The following VCL variants were observed in gnomAD, a reference collection of about 807,000 sequenced individuals.
The protein encoded by VCL is vinculin, also known as epididymis luminal protein 114.
VCL carries 47 observed loss-of-function variants against 125.7 expected under a neutral mutation model. That is an observed-to-expected ratio of 0.37 (90% CI 0.30 to 0.48). The LOEUF (loss-of-function observed/expected upper bound fraction) is 0.48, where lower values mean the gene tolerates loss of function less well. VCL is among the 20% of genes least tolerant of loss of function. VCL has a pLI of 0.99. For missense variants in VCL, 1,069 were observed against 1,455.5 expected (o/e 0.73, Z 4.32); for synonymous variants, 458 against 514.6 (o/e 0.89, Z 1.49).
Position 74,047,306 on chromosome 10 carries a change from A to G in VCL, c.239+4153A>G, listed in dbSNP as rs1386174483. Among the ~76,000 whole-genome samples, 4 of 152,216 alleles carry G rather than the reference A, an allele frequency of 2.6e-5. No individual in the cohort carries two copies. In the East Asian group the frequency reaches 7.7e-4, roughly 29 times the overall value. ...AGTGAGACCCTGTGTAAAACAAAAC[A>G]AAATAAAACAAACCGTGATGGATTT... On this transcript the variant is annotated intron_variant, in intron 2 of 21. Transcript: ENST00000211998.
intron 5 of VCL, 85 bp from the exon 6 acceptor site, chr10:74,074,658 T>C (rs1839552198): frequency 1.3e-6 from 2 of 1,509,228 alleles, no homozygotes; most frequent in Admixed American, 1.9e-5. Flanking sequence ...GCCCAAAACA[T>C]CTAAAGTGTA....
chr10:74,090,300 T>C, intron 10 of VCL, 102 bp downstream of exon 10: 1 of 1,347,022 alleles, frequency 7.4e-7, no homozygotes. Context: ...ACATACATAT[T>C]TCAATTCCCC....
intron 1 of VCL, among the ~76,000 whole-genome samples, chr10:74,037,253 G>A (rs1182168758): frequency 6.6e-6 from 1 of 152,068 alleles, no homozygotes; most frequent in Admixed American, 6.6e-5. Flanking sequence ...GGAAAAGATG[G>A]GTGCTATGGA....
rs768990295 is a variant in VCL, at chr10:74,097,171, T to A, written c.1744-33T>A. ...AGTAGATATGCTTTGAGGATGTATC[T>A]GGACATTTTCATATGTAAACAATGT... On this transcript the variant is annotated intron_variant, in intron 12 of 21. Transcript: ENST00000211998. The surrounding 1 kb of genome is among the most constrained non-coding windows in gnomAD (Gnocchi z 4.1). 6 of 1,610,762 alleles carry A rather than the reference T, an allele frequency of 3.7e-6. No individual in the cohort carries two copies. In the Admixed American group the frequency reaches 8.3e-5, roughly 22 times the overall value.
intron 17 of VCL, among the ~76,000 whole-genome samples, chr10:74,107,883 T>C (rs1407374284): frequency 6.6e-6 from 1 of 152,184 alleles, no homozygotes; most frequent in Non-Finnish European, 1.5e-5. Context: ...ACTGTGAATA[T>C]ATTTTTACAT....
chr10:73,998,190 G>A lies in VCL; in HGVS notation c.-18G>A. The A allele has an allele frequency of 6.2e-7, 1 of 1,609,946 alleles. No homozygotes were observed. The highest frequency in any genetic ancestry group is 8.5e-7 in the Non-Finnish European group (1 of 1,178,292). On this transcript the variant is annotated 5_prime_UTR_variant, in exon 1 of 22. Coordinates refer to ENST00000211998, the MANE Select transcript of VCL (RefSeq NM_014000.3). ...ACTTCTCTGTCGCCCGCGGTTCGCC[G>A]CCCCGCTCGCCGCCGCGATGCCAGT...
At chr10:74,001,710 G>C (rs773819511) in intron 1 of VCL, among the ~76,000 whole-genome samples, 27 of 152,292 alleles carry the variant, frequency 1.8e-4, no homozygotes, top group Non-Finnish European at 3.7e-4. Flanking sequence ...TGCTAGAAAA[G>C]AAACATAGTA....
In VCL at chr10:74,059,703, C is replaced by A. The variant is rs181742260; in HGVS notation, c.240-10967C>A. Among the ~76,000 whole-genome samples, 23 of 152,326 alleles carry A rather than the reference C, an allele frequency of 1.5e-4. No homozygotes were observed. The East Asian group carries it at 4.3e-3, about 28-fold the overall frequency. ...TACAGGTGTGAGCCACCGCGTCCAG[C>A]CTGCTGGACATACTTCTAAAGACTG... On this transcript the variant is annotated intron_variant, in intron 2 of 21. Coordinates refer to ENST00000211998, the MANE Select transcript of VCL (RefSeq NM_014000.3).
intron 16 of VCL, among the ~76,000 whole-genome samples, chr10:74,106,441 C>T (rs780393651): frequency 6.6e-6 from 1 of 152,284 alleles, no homozygotes; most frequent in South Asian, 2.1e-4. Context: ...AGGCCCTACA[C>T]CTAAAGAAAA....
chr10:74,100,934 G>GT lies in VCL; in HGVS notation c.1873-8dup, dbSNP rs1564531356. On this transcript the variant is annotated splice_polypyrimidine_tract_variant and intron_variant, in intron 13 of 21. Coordinates refer to ENST00000211998, the MANE Select transcript of VCL (RefSeq NM_014000.3). The stretch of plus-strand genomic sequence containing the variant: ...ATTGAAATAAATGTTCTTAATATCT[G>GT]TTTTTTCCTCAAGGTATTTGATGAG... 5 of 1,613,668 alleles carry GT rather than the reference G, an allele frequency of 3.1e-6. No homozygotes were observed. Among genetic ancestry groups the GT allele is most frequent in the African/African-American group, 2.7e-5 (2 of 74,882 alleles).
chr10:74,058,320 T>C (rs1239881264), intron 2 of VCL, among the ~76,000 whole-genome samples: 1 of 152,172 alleles, frequency 6.6e-6, no homozygotes, highest in African/African-American at 2.4e-5. Context: ...TCAGATATGT[T>C]TGTGGGCTCT....
chr10:74,035,402 C>A (rs963227060), intron 1 of VCL, among the ~76,000 whole-genome samples: 4 of 152,002 alleles, frequency 2.6e-5, no homozygotes, highest in African/African-American at 9.7e-5. Context: ...ACATATTGAA[C>A]AAAGGATATT....
intron 9 of VCL, 43 bp from the exon 10 acceptor site, chr10:74,089,980 G>A (rs1839851186): frequency 1.2e-6 from 2 of 1,612,828 alleles, no homozygotes. Flanking sequence ...AAAGGAGTGT[G>A]TGAGTAGATC....
At position 74,119,674 on chromosome 10, in the gene VCL, C is replaced by T. The variant is rs1039829368; in HGVS notation, c.*1505C>T. Reference sequence around the variant, plus strand: ...CTGAACATCCTTCCTTCCCACCCATCGCTGTGTGTTAGTTCCCAACATCGA... The same window carrying T: ...CTGAACATCCTTCCTTCCCACCCATTGCTGTGTGTTAGTTCCCAACATCGA... On this transcript the variant is annotated 3_prime_UTR_variant, in exon 22 of 22. Transcript: ENST00000211998. 10 of 152,570 alleles carry T rather than the reference C, an allele frequency of 6.6e-5. No homozygotes were observed. The highest frequency in any genetic ancestry group is 2.6e-4 in the Admixed American group (4 of 15,298). 9.5% of individuals were successfully genotyped at this position (152,570 alleles called of 1,614,324 possible). A position where few individuals can be genotyped will look rare whatever the true frequency, so the allele number is the denominator to read the frequency against.
chr10:74,070,575 A>C, intron 2 of VCL, 95 bp from the exon 3 acceptor site: 2 of 1,568,730 alleles, frequency 1.3e-6, no homozygotes, highest in Admixed American at 1.7e-5. Flanking sequence ...AGGGAAAAAA[A>C]CTGTGAATTT....
chr10:74,015,005 G>A (rs1840510900), intron 1 of VCL, among the ~76,000 whole-genome samples: 1 of 152,098 alleles, frequency 6.6e-6, no homozygotes, highest in Non-Finnish European at 1.5e-5. Context: ...AATATTTAAT[G>A]AGTACATTCT....
chr10:74,091,626 T>TA (rs138676040), intron 10 of VCL, among the ~76,000 whole-genome samples: 4 of 150,110 alleles, frequency 2.7e-5, no homozygotes, highest in Non-Finnish European at 4.4e-5. Flanking sequence ...CTGTCTCTAC[T>TA]AAAAAAAATA....
chr10:74,052,294 T>C (rs1420169186), intron 2 of VCL, among the ~76,000 whole-genome samples: 1 of 152,024 alleles, frequency 6.6e-6, no homozygotes, highest in African/African-American at 2.4e-5. Flanking sequence ...CTTCTATAGC[T>C]TCTTTTTTTT....
At chr10:74,089,710 T>TG (rs1328158938) in intron 9 of VCL, among the ~76,000 whole-genome samples, 1 of 152,222 alleles carries the variant, frequency 6.6e-6, no homozygotes, top group Non-Finnish European at 1.5e-5. Flanking sequence ...ACTGCTCTAC[T>TG]GTAAAATGAT....
Sources: gnomAD v4.1 joint callset for allele counts (sites outside exome capture counted in the v4.1 genomes callset) on GRCh38, gnomAD v4.1.1 for gene constraint, Gnocchi (gnomAD v3.1) non-coding constraint, MANE v1.5 for transcripts, NCBI Gene and HGNC (gene_info 2026-07-23, HGNC 2026-07-21) for gene names.